CLIC5: variants seen among roughly 807,000 people sequenced by gnomAD.
The protein encoded by CLIC5 is chloride intracellular channel protein 5.
CLIC5 carries 20 observed loss-of-function variants against 24.7 expected under a neutral mutation model. The ratio of observed to expected loss-of-function variants is 0.81; its 90% CI spans 0.57 to 1.18. CLIC5 has a LOEUF of 1.18. Among genes scored for constraint, CLIC5 ranks in the 50% most tolerant of loss-of-function variants. CLIC5 has a pLI of 0.00. For synonymous variants in CLIC5, 159 were observed against 135.6 expected (o/e 1.17, Z -1.20); for missense variants, 341 against 326.1 (o/e 1.05, Z -0.35).
intron 4 of CLIC5, among the ~76,000 whole-genome samples, chr6:45,922,267 A>G (rs940288856): frequency 3.3e-5 from 5 of 152,230 alleles, no homozygotes; most frequent in African/African-American, 1.2e-4. Flanking sequence ...AAGTCTTACA[A>G]TTATGGTGGG....
At chr6:46,127,173 C>CAGTTA in the CLIC5 span, among the ~76,000 whole-genome samples, 1 of 152,112 alleles carries the variant, frequency 6.6e-6, no homozygotes, top group African/African-American at 2.4e-5. Context: ...GTGTAACAAT[C>CAGTTA]CAGTCAGGGT....
intron 4 of CLIC5, among the ~76,000 whole-genome samples, chr6:45,925,461 C>T (rs1162084803): frequency 6.6e-6 from 1 of 152,030 alleles, no homozygotes; most frequent in African/African-American, 2.4e-5. Context: ...GGACTACAGG[C>T]GCGTGCCACC....
At chr6:45,888,874 G>A (rs1762326872) in intron 6 of CLIC5, among the ~76,000 whole-genome samples, 1 of 152,092 alleles carries the variant, frequency 6.6e-6, no homozygotes. Context: ...ATAAGTGGTA[G>A]CATGACATCT....
intron 3 of CLIC5, among the ~76,000 whole-genome samples, chr6:45,948,714 T>C (rs1041883726): frequency 2.0e-5 from 3 of 152,160 alleles, no homozygotes; most frequent in African/African-American, 7.2e-5. Flanking sequence ...AGCTCTACGG[T>C]CTATACTCTC....
intron 1 of CLIC5, among the ~76,000 whole-genome samples, chr6:46,078,651 C>G (rs1388196196): frequency 1.3e-5 from 2 of 152,122 alleles, no homozygotes; most frequent in Admixed American, 1.3e-4. Flanking sequence ...CCTTTCCCCC[C>G]AAATGCTCAG....
chr6:45,963,132 C>T (rs1046830310), intron 1 of CLIC5, among the ~76,000 whole-genome samples: 7 of 152,180 alleles, frequency 4.6e-5, no homozygotes, highest in African/African-American at 1.4e-4. Flanking sequence ...TATTTAACAA[C>T]TTCTGAAATT....
chr6:46,031,392 G>A (rs755147497), intron 1 of CLIC5, among the ~76,000 whole-genome samples: 6 of 152,116 alleles, frequency 3.9e-5, no homozygotes, highest in Admixed American at 6.5e-5. Flanking sequence ...TTAGTTCATT[G>A]AAAAAGGAAT....
At chr6:46,113,091 G>A in the CLIC5 span, among the ~76,000 whole-genome samples, 4 of 152,154 alleles carry the variant, frequency 2.6e-5, no homozygotes, top group East Asian at 1.9e-4. Flanking sequence ...GCCAGGCCAG[G>A]TTGTTAAGGA....
chr6:45,915,108 T>C (rs1762976575), intron 4 of CLIC5, among the ~76,000 whole-genome samples: 1 of 147,450 alleles, frequency 6.8e-6, no homozygotes, highest in South Asian at 2.2e-4. Flanking sequence ...TTTTGTATTT[T>C]TAGTAGAGAC....
Position 46,015,698 on chromosome 6 carries a change from C to A in CLIC5, c.-156G>T. 1.6e-6 allele frequency: 2 copies of A among 1,284,654 alleles called. No homozygotes were observed. Among genetic ancestry groups the A allele is most frequent in the Non-Finnish European group, 2.0e-6 (2 of 1,012,358 alleles). 79.6% of individuals were successfully genotyped at this position (1,284,654 alleles called of 1,614,324 possible). A position where few individuals can be genotyped will look rare whatever the true frequency, so the allele number is the denominator to read the frequency against. ...ACCATCTATTCTCCAGCCCGAGCAG[C>A]GGGGTCTGAGAGATCAGTGTCCCAG... is the stretch of plus-strand genomic sequence containing the variant. On this transcript the variant is annotated 5_prime_UTR_variant, in exon 1 of 6. Transcript: ENST00000339561.
At chr6:45,897,332 G>A (rs1357561983), downstream of CLIC5, among the ~76,000 whole-genome samples, 1 of 152,194 alleles carries the variant, frequency 6.6e-6, no homozygotes. Context: ...ACCAACCACA[G>A]CCAGCAGGAT....
the CLIC5 span, among the ~76,000 whole-genome samples, chr6:46,126,274 T>C: frequency 6.6e-6 from 1 of 152,194 alleles, no homozygotes; most frequent in Non-Finnish European, 1.5e-5. Flanking sequence ...AAGAGAGTAA[T>C]GTCCTCTCCA....
chr6:46,071,016 T>C (rs1762581187), intron 1 of CLIC5, among the ~76,000 whole-genome samples: 1 of 152,178 alleles, frequency 6.6e-6, no homozygotes, highest in Admixed American at 6.5e-5. Context: ...GATAACTGTC[T>C]AGCCATATGC....
chr6:45,894,882 A>G (rs1561912774), downstream of CLIC5, among the ~76,000 whole-genome samples: 2 of 151,712 alleles, frequency 1.3e-5, no homozygotes, highest in Non-Finnish European at 1.5e-5. Flanking sequence ...GTAAGCAAAT[A>G]TTTTCTGGAG....
At chr6:45,960,735 T>C (rs1352032653) in intron 1 of CLIC5, among the ~76,000 whole-genome samples, 1 of 152,204 alleles carries the variant, frequency 6.6e-6, no homozygotes, top group Non-Finnish European at 1.5e-5. Flanking sequence ...GAAGGCCTTC[T>C]TCTCCACTAA....
intron 1 of CLIC5, among the ~76,000 whole-genome samples, chr6:46,059,760 G>A (rs1762190761): frequency 6.6e-6 from 1 of 152,214 alleles, no homozygotes; most frequent in African/African-American, 2.4e-5. Context: ...ACTCAGAGCT[G>A]CATGCCCTTC....
chr6:46,106,930 T>A, the CLIC5 span, among the ~76,000 whole-genome samples: 2 of 152,252 alleles, frequency 1.3e-5, no homozygotes, highest in Non-Finnish European at 2.9e-5. Flanking sequence ...AATGGTCTCA[T>A]GACTAAAATT....
intron 3 of CLIC5, among the ~76,000 whole-genome samples, chr6:45,942,849 G>A (rs1026690038): frequency 1.3e-5 from 2 of 152,200 alleles, no homozygotes; most frequent in African/African-American, 4.8e-5. Context: ...AGGCAGATAA[G>A]GAAGGCATTA....
chr6:45,996,067 C>G (rs1183036212), intron 1 of CLIC5, among the ~76,000 whole-genome samples: 1 of 150,552 alleles, frequency 6.6e-6, no homozygotes, highest in Non-Finnish European at 1.5e-5. Flanking sequence ...ACCACCATGG[C>G]ACATGTTTAC....
Sources: gnomAD v4.1 joint callset for allele counts (sites outside exome capture counted in the v4.1 genomes callset) on GRCh38, gnomAD v4.1.1 for gene constraint, MANE v1.5 for transcripts, NCBI Gene and HGNC (gene_info 2026-07-23, HGNC 2026-07-21) for gene names.